Variants in C11orf65 observed in about 807,000 individuals in gnomAD.
C11orf65 encodes protein MFI.
A neutral mutation model predicts 35.3 loss-of-function variants in C11orf65; 38 were observed. The observed-to-expected ratio is 1.08, with a 90% CI of 0.83 to 1.41. The LOEUF (loss-of-function observed/expected upper bound fraction) is 1.41. Ranked by LOEUF, C11orf65 falls within the 40% of genes most tolerant of loss-of-function variation. The pLI, the probability that C11orf65 is intolerant of heterozygous loss-of-function variation, is 0.00. For missense variants in C11orf65, 370 were observed against 367.1 expected (o/e 1.01, Z -0.06); for synonymous variants, 105 against 114.4 (o/e 0.92, Z 0.53).
chr11:108,341,764 ATACAAAT>A (rs2087609918), intron 2 of C11orf65, among the ~76,000 whole-genome samples: 1 of 152,226 alleles, frequency 6.6e-6, no homozygotes, highest in East Asian at 1.9e-4. Context: ...AATCTGGAAA[ATACAAAT>A]TAAAACCACA....
intron 2 of C11orf65, among the ~76,000 whole-genome samples, chr11:108,369,294 G>T (rs527993821): frequency 1.3e-5 from 2 of 152,268 alleles, no homozygotes; most frequent in South Asian, 2.1e-4. Flanking sequence ...TGATAATGCT[G>T]CATCTCAGTC....
At chr11:108,443,499 C>T (rs1168971528) in intron 2 of C11orf65, among the ~76,000 whole-genome samples, 1 of 152,134 alleles carries the variant, frequency 6.6e-6, no homozygotes, top group Non-Finnish European at 1.5e-5. Context: ...CAGAACTCTC[C>T]ACCCCAAATC....
chr11:108,397,847 T>A (rs1385211519), intron 6 of C11orf65, among the ~76,000 whole-genome samples: 1 of 152,214 alleles, frequency 6.6e-6, no homozygotes, highest in Non-Finnish European at 1.5e-5. Flanking sequence ...GATCCTGTGC[T>A]AATAAATAGA....
chr11:108,415,200 A>G (rs1330005245), intron 3 of C11orf65, among the ~76,000 whole-genome samples: 3 of 152,170 alleles, frequency 2.0e-5, no homozygotes, highest in Non-Finnish European at 2.9e-5. Context: ...ACAGATTGAG[A>G]AGGGAGAAAA....
At chr11:108,401,905 C>T (rs2092446413) in intron 6 of C11orf65, among the ~76,000 whole-genome samples, 1 of 152,156 alleles carries the variant, frequency 6.6e-6, no homozygotes, top group East Asian at 1.9e-4. Context: ...TAATTTCTGG[C>T]CAAAGCATTA....
chr11:108,317,648 T>TACACACACAC (rs1453200885), intron 6 of C11orf65: 1 of 132,978 alleles, frequency 7.5e-6, no homozygotes, highest in African/African-American at 4.2e-5. Flanking sequence ...TATATATATA[T>TACACACACAC]ATATACACAC....
chr11:108,409,732 T>G (rs2138714465), intron 3 of C11orf65, among the ~76,000 whole-genome samples: 1 of 152,252 alleles, frequency 6.6e-6, no homozygotes, highest in South Asian at 2.1e-4. Flanking sequence ...CATTACTGCC[T>G]GAGCTCCCCA....
chr11:108,308,673 T>C, exon 7 of C11orf65: 1 of 276,298 alleles, frequency 3.6e-6, no homozygotes, highest in Non-Finnish European at 7.0e-6. Context: ...TGTATGGTGG[T>C]GGTAGGGGTG....
chr11:108,430,337 C>T (rs1402686005), intron 3 of C11orf65, among the ~76,000 whole-genome samples: 1 of 144,056 alleles, frequency 6.9e-6, no homozygotes, highest in African/African-American at 2.6e-5. Context: ...GACAGGGTTT[C>T]GCCATGTTAG....
At chr11:108,420,376 C>T (rs1315532600) in intron 3 of C11orf65, among the ~76,000 whole-genome samples, 1 of 152,178 alleles carries the variant, frequency 6.6e-6, no homozygotes, top group African/African-American at 2.4e-5. Context: ...AGAGTTGGAA[C>T]TGCAATGTAA....
At chr11:108,461,857 A>C (rs2135765419) in intron 1 of C11orf65, among the ~76,000 whole-genome samples, 1 of 151,664 alleles carries the variant, frequency 6.6e-6, no homozygotes, top group East Asian at 2.0e-4. Context: ...GGCTGGTGTC[A>C]AACACCTTCT....
intron 3 of C11orf65, chr11:108,332,922 A>G: frequency 6.2e-7 from 1 of 1,606,654 alleles, no homozygotes; most frequent in Non-Finnish European, 8.5e-7. Flanking sequence ...TTAAAGAAGA[A>G]ACGTTACTTT....
intron 2 of C11orf65, among the ~76,000 whole-genome samples, chr11:108,372,449 C>A (rs902895372): frequency 3.9e-5 from 6 of 152,180 alleles, no homozygotes; most frequent in Admixed American, 6.5e-5. Context: ...CGCCTCAGCA[C>A]CCCAAAGTGC....
chr11:108,390,043 A>G (rs1384876512), intron 7 of C11orf65, among the ~76,000 whole-genome samples: 1 of 147,740 alleles, frequency 6.8e-6, no homozygotes, highest in African/African-American at 2.5e-5. Context: ...TTTATTTTTG[A>G]GACGGAGTCT....
At chr11:108,445,240 C>T (rs962717850) in intron 2 of C11orf65, among the ~76,000 whole-genome samples, 8 of 152,196 alleles carry the variant, frequency 5.3e-5, no homozygotes, top group Non-Finnish European at 7.3e-5. Flanking sequence ...CCCTGTCTGA[C>T]AGCTTTGAAG....
rs61604851 is a variant in C11orf65, at chr11:108,440,173, T to A, written c.82-8335A>T. ...GTACTAATTTAAGGTAGAGACTAAC[T>A]AATCAAGGGCAAATATTGTAACTTT... On this transcript the variant is annotated intron_variant, in intron 2 of 8. Coordinates refer to ENST00000393084, the MANE Select transcript of C11orf65 (RefSeq NM_152587.5). Among the ~76,000 whole-genome samples, 304 of 152,350 alleles carry A rather than the reference T, an allele frequency of 2.0e-3. 2 individuals carry two copies. The highest frequency in any genetic ancestry group is 7.0e-3 in the African/African-American group (293 of 41,578).
chr11:108,407,997 TTTATTA>T (rs140542318), intron 3 of C11orf65, among the ~76,000 whole-genome samples: 54,880 of 139,280 alleles, frequency 0.39, 10,917 homozygotes, highest in East Asian at 0.55. Flanking sequence ...TTAATTTCTT[TTTATTA>T]TTATTATTAT....
downstream of C11orf65, among the ~76,000 whole-genome samples, chr11:108,378,792 AC>A (rs1192133724): frequency 8.2e-5 from 12 of 145,866 alleles, no homozygotes; most frequent in African/African-American, 3.2e-4. Context: ...CAAGAAAAAA[AC>A]AACCCCATCA....
intron 3 of C11orf65, among the ~76,000 whole-genome samples, chr11:108,427,089 G>T (rs1318491213): frequency 6.6e-6 from 1 of 152,078 alleles, no homozygotes; most frequent in African/African-American, 2.4e-5. Flanking sequence ...AAAAATCCTA[G>T]AAGAAAACCT....
Sources: allele counts gnomAD v4.1 joint callset (sites outside exome capture counted in the v4.1 genomes callset), GRCh38; gene constraint gnomAD v4.1.1; transcripts MANE v1.5; gene names NCBI Gene and HGNC (gene_info 2026-07-23, HGNC 2026-07-21).